The following PCDH8 variants were observed in gnomAD, a reference collection of about 807,000 sequenced individuals.
PCDH8 encodes the protein protocadherin 8.
A neutral mutation model predicts 58.2 loss-of-function variants in PCDH8; 36 were observed. The observed-to-expected ratio is 0.62, with a 90% confidence interval of 0.47 to 0.82. The LOEUF is 0.82. PCDH8 is among the 40% of genes least tolerant of loss of function. The probability of loss-of-function intolerance (pLI) is 0.00; values close to 1 mark genes in which losing one functional copy is unlikely to be tolerated. For synonymous variants in PCDH8, 775 were observed against 728.9 expected (o/e 1.06, Z -1.02); for missense variants, 1,493 against 1,567.8 (o/e 0.95, Z 0.81).
Position 52,846,212 on chromosome 13 carries a change from G to A in PCDH8, c.2225C>T (p.Ser742Leu). The change falls in exon 1 of 3, where the codon TCG becomes TTG. Residue 742 changes from serine to leucine, a missense_variant. Around this residue, in one of 3 missense-constraint regions of PCDH8, gnomAD observed 1,307 missense variants for 1,362.7 expected, o/e 0.96. Transcript: ENST00000377942. Reference sequence around the variant, plus strand: ...CAGCGGCGTGTCCCATTGCAGCACCGACCCGGACACCCCGAGCCGAGAGCC... The same window carrying A: ...CAGCGGCGTGTCCCATTGCAGCACCAACCCGGACACCCCGAGCCGAGAGCC... ...PPGSRLGVSGSVLQWDTPLIV... is the reference protein window; with the variant it reads ...PPGSRLGVSGLVLQWDTPLIV... 1 of 1,587,344 alleles carries A rather than the reference G, an allele frequency of 6.3e-7. No individual in the cohort carries two copies. Among genetic ancestry groups the A allele is most frequent in the Non-Finnish European group, 8.5e-7 (1 of 1,174,262 alleles).
Position 52,848,058 on chromosome 13 carries a change from C to T in PCDH8, c.379G>A (p.Asp127Asn). The T allele has an allele frequency of 6.2e-7, 1 of 1,606,268 alleles. No individual in the cohort carries two copies. Among genetic ancestry groups the T allele is most frequent in the Non-Finnish European group, 8.5e-7 (1 of 1,173,888 alleles). ...AAGCGCGGCGCGTGGTCGTTGACGTCCCTCACCTCTACCTCCACGTGCACC... is the reference window on the plus strand; with the variant it reads ...AAGCGCGGCGCGTGGTCGTTGACGTTCCTCACCTCTACCTCCACGTGCACC... ...RLVHVEVEVR[D>N]VNDHAPRFPR... Residue 127 changes from aspartate (D) to asparagine (N), a missense_variant, in exon 1 of 3, where the codon GAC becomes AAC. This residue lies in a region of PCDH8 where 1,307 missense variants were observed against 1,362.7 expected (regional missense o/e 0.96). Transcript: ENST00000377942.
Position 52,847,450 on chromosome 13 carries a change from G to A in PCDH8, c.987C>T (p.Arg329=), listed in dbSNP as rs1332291614. The A allele has an allele frequency of 6.3e-7, 1 of 1,587,420 alleles. No individual in the cohort carries two copies. Reference sequence around the variant, plus strand: ...AGGTGGCAGCGCGGGGCCCGGGTCCGCGGTCCTGCGCCCGCACGTCCAGCT... The same window carrying A: ...AGGTGGCAGCGCGGGGCCCGGGTCCACGGTCCTGCGCCCGCACGTCCAGCT... ...TYELDVRAQD[R]GPGPRAATCK... The change falls in exon 1 of 3, where the codon CGC becomes CGT. Residue 329 remains arginine (R), a synonymous_variant. Transcript: ENST00000377942.
At position 52,847,746 on chromosome 13, in the gene PCDH8, G is replaced by T; in HGVS notation, c.691C>A (p.Leu231Ile). 1 of 1,482,498 alleles carries T rather than the reference G, an allele frequency of 6.7e-7. No homozygotes were observed. Among genetic ancestry groups the T allele is most frequent in the Non-Finnish European group, 8.9e-7 (1 of 1,125,190 alleles). The allele number at this position is 1,482,498 out of a possible 1,614,324, so 91.8% of individuals were successfully genotyped here. A position where few individuals can be genotyped will look rare whatever the true frequency, so the allele number is the denominator to read the frequency against. The change falls in exon 1 of 3, where the codon CTC becomes ATC. Residue 231 changes from leucine (L) to isoleucine (I), a missense_variant. Physicochemically the swap from Leu to Ile is conservative, Grantham distance 5. This residue lies in a region of PCDH8 where 1,307 missense variants were observed against 1,362.7 expected (regional missense o/e 0.96). Coordinates refer to ENST00000377942, the MANE Select transcript of PCDH8 (RefSeq NM_002590.4). ...TTCGCATCCAGGACGCGCACGCTGA[G>T]GGCAGCCGTGGCGGAGCGCGGCGGG... The part of the protein sequence containing the change: ...GRPPRSATAA[L>I]SVRVLDANDH...
rs1965765529 is a variant in PCDH8 at position 52,847,733 on chromosome 13, A to G, written c.704T>C (p.Val235Ala). ...CGGGCTGTGGTCATTCGCATCCAGG[A>G]CGCGCACGCTGAGGGCAGCCGTGGC... ...RSATAALSVR[V>A]LDANDHSPAF... Residue 235 changes from valine (V) to alanine (A), a missense_variant, in exon 1 of 3, where the codon GTC becomes GCC. Transcript: ENST00000377942. 3 of 1,506,524 alleles carry G rather than the reference A, an allele frequency of 2.0e-6. No homozygotes were observed. The highest frequency in any genetic ancestry group is 2.6e-5 in the East Asian group (1 of 38,962). 93.3% of individuals were successfully genotyped at this position (1,506,524 alleles called of 1,614,324 possible).
Position 52,848,193 on chromosome 13 carries a change from G to C in PCDH8, c.244C>G (p.Gln82Glu). 6.2e-7 allele frequency: 1 copy of C among 1,612,696 alleles called. No homozygotes were observed. The highest frequency in any genetic ancestry group is 8.5e-7 in the Non-Finnish European group (1 of 1,179,634). Residue 82 changes from glutamine to glutamate, a missense_variant, in exon 1 of 3, where the codon CAG becomes GAG. By Grantham distance (29) the Gln-to-Glu change is conservative. This residue lies in a region of PCDH8 where 1,307 missense variants were observed against 1,362.7 expected (regional missense o/e 0.96). Transcript: ENST00000377942. The stretch of plus-strand genomic sequence containing the variant: ...AGGCCGGCGTCCCCGACGGTCAGCT[G>C]CCCGTCGCCTTCGCGCACCCGGAGC... ...SLLRVREGDG[Q>E]LTVGDAGLDR... is the part of the protein sequence containing the mutation.
rs1432481950 is a variant in PCDH8, at chr13:52,844,616, G to T, written c.3157C>A (p.Gln1053Lys). The T allele has an allele frequency of 6.2e-7, 1 of 1,612,694 alleles. No homozygotes were observed. The highest frequency in any genetic ancestry group is 8.5e-7 in the Non-Finnish European group (1 of 1,179,182). Reference protein sequence around the residue: ...DLQEIGVPLYQSPPGRYLSPK... With the variant: ...DLQEIGVPLYKSPPGRYLSPK... ...GACAGGTACCTGCCAGGAGGGGACT[G>T]GTAGAGGGGTACTCCAATCTCCTGC... Residue 1053 changes from glutamine to lysine, a missense_variant, in exon 3 of 3, where the codon CAG becomes AAG. Coordinates refer to ENST00000377942, the MANE Select transcript of PCDH8 (RefSeq NM_002590.4).
chr13:52,846,006 C>A lies in PCDH8; in HGVS notation c.2431G>T (p.Gly811Ter). 1 of 1,471,906 alleles carries A rather than the reference C, an allele frequency of 6.8e-7. No individual in the cohort carries two copies. Among genetic ancestry groups the A allele is most frequent in the East Asian group, 2.7e-5 (1 of 37,024 alleles). 91.2% of individuals were successfully genotyped at this position (1,471,906 alleles called of 1,614,324 possible). ...AACATGTTGGGCCTGGGCCCGGCTCCCCGGGCGGCCTCCTCCGGGGAGCCG... is the reference window on the plus strand; with the variant it reads ...AACATGTTGGGCCTGGGCCCGGCTCACCGGGCGGCCTCCTCCGGGGAGCCG... ...APGSPEEAAR[G>*]AGPRPNMFDV... The change falls in exon 1 of 3, where the codon GGA becomes TGA. Residue 811 changes from glycine (G) to a stop codon, truncating the protein, a stop_gained. Coordinates refer to ENST00000377942, the MANE Select transcript of PCDH8 (RefSeq NM_002590.4). LOFTEE classifies it high-confidence loss of function.
rs1965694417 is a variant in PCDH8, at chr13:52,844,134, T to C, written c.*426A>G. 1 of 153,102 alleles carries C rather than the reference T, an allele frequency of 6.5e-6. No homozygotes were observed. Among genetic ancestry groups the C allele is most frequent in the Non-Finnish European group, 1.5e-5 (1 of 68,390 alleles). 9.5% of individuals were successfully genotyped at this position (153,102 alleles called of 1,614,324 possible). A position where few individuals can be genotyped will look rare whatever the true frequency, so the allele number is the denominator to read the frequency against. The stretch of plus-strand genomic sequence containing the variant: ...CAAAATTTCTCAAACACTAGGTTGT[T>C]TCAGGTGAAAGATAAATTTCAATTA... On this transcript the variant is annotated 3_prime_UTR_variant, in exon 3 of 3. Coordinates refer to ENST00000377942, the MANE Select transcript of PCDH8 (RefSeq NM_002590.4).
At chr13:52,845,693 A>C in intron 1 of PCDH8, 61 bp from the exon 2 acceptor site, 1 of 1,576,360 alleles carries the variant, frequency 6.3e-7, no homozygotes, top group Non-Finnish European at 8.6e-7. Flanking sequence ...CAAACAAAAA[A>C]CAAGTGCGAC....
chr13:52,847,311 C>T lies in PCDH8; in HGVS notation c.1126G>A (p.Ala376Thr), dbSNP rs1461699818. The change falls in exon 1 of 3, where the codon GCC (alanine) becomes ACC (threonine). Residue 376 changes from alanine (A) to threonine (T), a missense_variant. Transcript: ENST00000377942. ...GCGTCCGCTCCCCCGAGTGCAGCGG[C>T]GGCGGCGGCAGCGGCGAAGGGTGAG... is the stretch of plus-strand genomic sequence containing the variant. ...ATSPFAAAAA[A>T]AALGGADASS... is the part of the protein sequence containing the mutation. 12 of 1,404,776 alleles carry T rather than the reference C, an allele frequency of 8.5e-6. No individual in the cohort carries two copies. Among genetic ancestry groups the T allele is most frequent in the Non-Finnish European group, 1.1e-5 (12 of 1,086,034 alleles). 87.0% of individuals were successfully genotyped at this position (1,404,776 alleles called of 1,614,324 possible). A position where few individuals can be genotyped will look rare whatever the true frequency, so the allele number is the denominator to read the frequency against.
rs1374602401 is a variant in PCDH8 at position 52,846,545 on chromosome 13, G to C, written c.1892C>G (p.Thr631Arg). The C allele has an allele frequency of 1.2e-6, 2 of 1,601,284 alleles. No homozygotes were observed. The highest frequency in any genetic ancestry group is 2.2e-5 in the East Asian group (1 of 44,818). ...VAVPGRTAKD[T>R]VVARVQARDA... ...CCGGGCCTGCACACGGGCCACAACC[G>C]TGTCCTTTGCGGTGCGCCCAGGCAC... The change falls in exon 1 of 3, where the codon ACG becomes AGG. Residue 631 changes from threonine (T) to arginine (R), a missense_variant. Thr to Arg is a moderately conservative substitution (Grantham distance 71). Transcript: ENST00000377942.
At position 52,845,868 on chromosome 13, in the gene PCDH8, C is replaced by A; in HGVS notation, c.2569G>T (p.Ala857Ser). The A allele has an allele frequency of 6.6e-7, 1 of 1,509,150 alleles. No individual in the cohort carries two copies. Among genetic ancestry groups the A allele is most frequent in the Non-Finnish European group, 8.8e-7 (1 of 1,137,390 alleles). 93.5% of individuals were successfully genotyped at this position (1,509,150 alleles called of 1,614,324 possible). A position where few individuals can be genotyped will look rare whatever the true frequency, so the allele number is the denominator to read the frequency against. ...AEVPGSEGGS[A>S]TGESACHFEG... ...AAGTGACAGGCGCTTTCCCCAGTGGCGCTGCCGCCCTCTGAGCCCGGCACT... is the reference window on the plus strand; with the variant it reads ...AAGTGACAGGCGCTTTCCCCAGTGGAGCTGCCGCCCTCTGAGCCCGGCACT... Residue 857 changes from alanine to serine, a missense_variant, in exon 1 of 3, where the codon GCC becomes TCC. Ala to Ser is a moderately conservative substitution (Grantham distance 99). Transcript: ENST00000377942.
In PCDH8 at chr13:52,846,514, T is replaced by TGCAA; in HGVS notation, c.1922_1923insTTGC (p.Asp642CysfsTer279). 6.3e-7 allele frequency: 1 copy of TGCAA among 1,597,252 alleles called. No homozygotes were observed. The highest frequency in any genetic ancestry group is 8.5e-7 in the Non-Finnish European group (1 of 1,178,328). The stretch of plus-strand genomic sequence containing the variant: ...CCAGCTCCCCGTTGGCTCCCTCGTC[T>TGCAA]GCATCCCGGGCCTGCACACGGGCCA... On this transcript the variant is annotated frameshift_variant, in exon 1 of 3. Coordinates refer to ENST00000377942, the MANE Select transcript of PCDH8 (RefSeq NM_002590.4). LOFTEE classifies it high-confidence loss of function.
chr13:52,848,541 T>G lies in PCDH8; in HGVS notation c.-105A>C. ...GGAATCACGCTCTTTGCGAGCCCTGTGCGGGAGAAGTCTGCGGGTAGCAGC... is the reference window on the plus strand; with the variant it reads ...GGAATCACGCTCTTTGCGAGCCCTGGGCGGGAGAAGTCTGCGGGTAGCAGC... On this transcript the variant is annotated 5_prime_UTR_variant, in exon 1 of 3. Transcript: ENST00000377942. 1 of 1,448,300 alleles carries G rather than the reference T, an allele frequency of 6.9e-7. No homozygotes were observed. Among genetic ancestry groups the G allele is most frequent in the Non-Finnish European group, 9.0e-7 (1 of 1,105,370 alleles). 89.7% of individuals were successfully genotyped at this position (1,448,300 alleles called of 1,614,324 possible).
At position 52,845,908 on chromosome 13, in the gene PCDH8, C is replaced by T. The variant is rs1322689813; in HGVS notation, c.2529G>A (p.Ala843=). 3 of 1,477,940 alleles carry T rather than the reference C, an allele frequency of 2.0e-6. No homozygotes were observed. The highest frequency in any genetic ancestry group is 2.7e-5 in the East Asian group (1 of 36,716). 91.6% of individuals were successfully genotyped at this position (1,477,940 alleles called of 1,614,324 possible). ...GSPAADAPPP[A]VAAAEVPGSE... is the part of the protein sequence containing the mutation. ...AGCCCGGCACTTCGGCCGCGGCGAC[C>T]GCAGGCGGAGGCGCGTCCGCCGCGG... The change falls in exon 1 of 3, where the codon GCG becomes GCA. Residue 843 remains alanine, a synonymous_variant. Transcript: ENST00000377942.
In PCDH8 at chr13:52,845,433, A is replaced by G. The variant is rs138487371; in HGVS notation, c.2831T>C (p.Met944Thr). The G allele has an allele frequency of 1.9e-3, 3,087 of 1,613,786 alleles. 7 individuals are homozygous for G. Among genetic ancestry groups the G allele is most frequent in the Non-Finnish European group, 2.3e-3 (2,752 of 1,179,644 alleles). ...GAAAGAAGAGTCCTCACCACTCTGC[A>G]TGTGGTTGATGAGATCCTTTTTCAG... ...DALKKDLINH[M>T]QSGLWACTAE... The change falls in exon 2 of 3, where the codon ATG becomes ACG. Residue 944 changes from methionine to threonine, a missense_variant. Met to Thr is a moderately conservative substitution (Grantham distance 81). This residue lies in a region of PCDH8 where 182 missense variants were observed against 178.9 expected (regional missense o/e 1.02). Transcript: ENST00000377942.
Position 52,845,597 on chromosome 13 carries a change from C to T in PCDH8, c.2667G>A (p.Pro889=). The change falls in exon 2 of 3, where the codon CCG becomes CCA. Residue 889 remains proline, a synonymous_variant. Transcript: ENST00000377942. ...YGASPGFGKE[P]APPVAVWKGH... Reference sequence around the variant, plus strand: ...CTTTCCACACCGCCACAGGGGGCGCCGGCTCCTTTCCAAAACCCGGGGAGG... The same window carrying T: ...CTTTCCACACCGCCACAGGGGGCGCTGGCTCCTTTCCAAAACCCGGGGAGG... 1.2e-6 allele frequency: 2 copies of T among 1,614,056 alleles called. No homozygotes were observed. The highest frequency in any genetic ancestry group is 1.7e-6 in the Non-Finnish European group (2 of 1,180,030).
At position 52,847,769 on chromosome 13, in the gene PCDH8, G is replaced by T; in HGVS notation, c.668C>A (p.Pro223Gln). The change falls in exon 1 of 3, where the codon CCG becomes CAG. Residue 223 changes from proline (P) to glutamine (Q), a missense_variant. Physicochemically the swap from Pro to Gln is moderately conservative, Grantham distance 76. Transcript: ENST00000377942. ...GAGGGCAGCCGTGGCGGAGCGCGGC[G>T]GGCGGCCGCCGTCCTGGGCCACCAG... ...LELVAQDGGR[P>Q]PRSATAALSV... 1 of 1,459,336 alleles carries T rather than the reference G, an allele frequency of 6.9e-7. No homozygotes were observed. The highest frequency in any genetic ancestry group is 1.4e-5 in the South Asian group (1 of 70,304). 90.4% of individuals were successfully genotyped at this position (1,459,336 alleles called of 1,614,324 possible). A position where few individuals can be genotyped will look rare whatever the true frequency, so the allele number is the denominator to read the frequency against.
Position 52,847,761 on chromosome 13 carries a change from AG to A in PCDH8, c.675del (p.Ser226ProfsTer225). On this transcript the variant is annotated frameshift_variant, in exon 1 of 3. Coordinates refer to ENST00000377942, the MANE Select transcript of PCDH8 (RefSeq NM_002590.4). LOFTEE classifies it high-confidence loss of function. ...CGCACGCTGAGGGCAGCCGTGGCGG[AG>A]CGCGGCGGGCGGCCGCCGTCCTGGG... is the stretch of plus-strand genomic sequence containing the variant. ...LVAQDGGRPP[R>X]SATAALSVRV... The A allele has an allele frequency of 6.8e-7, 1 of 1,465,468 alleles. No individual in the cohort carries two copies. The highest frequency in any genetic ancestry group is 8.9e-7 in the Non-Finnish European group (1 of 1,118,546). 90.8% of individuals were successfully genotyped at this position (1,465,468 alleles called of 1,614,324 possible).
Sources: gnomAD v4.1 joint callset for allele counts on GRCh38, gnomAD v4.1.1 for gene constraint, gnomAD v4.1.1 regional missense constraint, MANE v1.5 for transcripts, NCBI Gene and HGNC (gene_info 2026-07-23, HGNC 2026-07-21) for gene names.